Variants in TMEM273 observed in about 807,000 individuals in gnomAD.
The protein encoded by TMEM273 is chromosome 10 open reading frame 128.
A neutral mutation model predicts 17.9 loss-of-function variants in TMEM273; 19 were observed. The ratio of observed to expected loss-of-function variants is 1.06; its 90% confidence interval spans 0.74 to 1.55. The LOEUF is 1.55. Among genes scored for constraint, TMEM273 ranks in the 40% most tolerant of loss-of-function variants. The pLI, the probability that TMEM273 is intolerant of heterozygous loss-of-function variation, is 0.00. For synonymous variants in TMEM273, 66 were observed against 62.0 expected, an observed-to-expected ratio of 1.07 and a Z score of -0.31; for missense variants, 194 against 155.6, an observed-to-expected ratio of 1.25 and a Z score of -1.31.
intron 6 of TMEM273, among the ~76,000 whole-genome samples, chr10:49,159,382 G>A (rs748474127): frequency 5.3e-5 from 8 of 152,190 alleles, no homozygotes; most frequent in Non-Finnish European, 8.8e-5. Context: ...AAATATGCAA[G>A]TTTACTGAGT....
intron 1 of TMEM273, among the ~76,000 whole-genome samples, chr10:49,185,326 C>T (rs1436242347): frequency 6.6e-6 from 1 of 152,162 alleles, no homozygotes; most frequent in Admixed American, 6.5e-5. Context: ...CCTGGCTTCT[C>T]ATCCCAGGGT....
At chr10:49,167,286 C>T (rs1846255720) in intron 2 of TMEM273, among the ~76,000 whole-genome samples, 1 of 152,244 alleles carries the variant, frequency 6.6e-6, no homozygotes, top group African/African-American at 2.4e-5. Context: ...ATTTCTCTGG[C>T]CACCTGAGCC....
chr10:49,187,061 T>G (rs1305246418), intron 1 of TMEM273, among the ~76,000 whole-genome samples: 4 of 152,256 alleles, frequency 2.6e-5, no homozygotes, highest in African/African-American at 9.6e-5. Flanking sequence ...TAAATTTAAC[T>G]TCCTTTTTTT....
intron 5 of TMEM273, among the ~76,000 whole-genome samples, chr10:49,162,474 T>G (rs1354644705): frequency 6.6e-6 from 1 of 152,248 alleles, no homozygotes; most frequent in African/African-American, 2.4e-5. Flanking sequence ...CTTCAAGGTC[T>G]GGCGATTTGC....
Position 49,158,604 on chromosome 10 carries a change from CCTCT to C in TMEM273, c.373-2699_373-2696del, listed in dbSNP as rs1172436339. On this transcript the variant is annotated intron_variant, in intron 6 of 6. Transcript: ENST00000374153. ...CCAGAAGGTAGAGCACACCAGGAAG[CCTCT>C]CTAGGCTCAGCCTCTCCAGGAAGCT... Among the ~76,000 whole-genome samples, 49 of 152,306 alleles carry C rather than the reference CCTCT, an allele frequency of 3.2e-4. No individual in the cohort carries two copies. The Middle Eastern group carries it at 0.024, about 74-fold the overall frequency.
chr10:49,169,856 C>G (rs1040087564), intron 1 of TMEM273, among the ~76,000 whole-genome samples: 1 of 152,246 alleles, frequency 6.6e-6, no homozygotes, highest in Non-Finnish European at 1.5e-5. Flanking sequence ...TGTGCTACGT[C>G]TTCACCCTTT....
chr10:49,167,769 G>T, intron 2 of TMEM273, 140 bp downstream of exon 2: 10 of 1,023,714 alleles, frequency 9.8e-6, no homozygotes, highest in Non-Finnish European at 1.5e-5. Flanking sequence ...TGCTCTGGGG[G>T]ACCTGGAGGT....
At chr10:49,186,672 AG>A (rs1166894152) in intron 1 of TMEM273, among the ~76,000 whole-genome samples, 4 of 152,246 alleles carry the variant, frequency 2.6e-5, no homozygotes, top group Admixed American at 6.5e-5. Flanking sequence ...TCTTTGTCCA[AG>A]TTTTCCAGGC....
chr10:49,158,384 C>G (rs1416831363), intron 6 of TMEM273, among the ~76,000 whole-genome samples: 3 of 151,878 alleles, frequency 2.0e-5, no homozygotes, highest in Non-Finnish European at 2.9e-5. Flanking sequence ...ACAAAGCAAT[C>G]ATCATAAAAT....
At chr10:49,184,730 G>T (rs758469684) in intron 1 of TMEM273, among the ~76,000 whole-genome samples, 1 of 150,858 alleles carries the variant, frequency 6.6e-6, no homozygotes, top group African/African-American at 2.5e-5. Context: ...GAATTGACAC[G>T]ACATTTCCCC....
At chr10:49,163,361 C>T (rs1845970862) in intron 5 of TMEM273, among the ~76,000 whole-genome samples, 2 of 151,858 alleles carry the variant, frequency 1.3e-5, no homozygotes, top group Admixed American at 6.6e-5. Context: ...GTCCCTCAAC[C>T]TGAAATATCC....
At chr10:49,161,238 T>C (rs1226211540) in intron 6 of TMEM273, 1 of 279,980 alleles carries the variant, frequency 3.6e-6, no homozygotes, top group African/African-American at 2.2e-5. Flanking sequence ...CATGAAGAGA[T>C]GTTTGGGAAT....
intron 1 of TMEM273, among the ~76,000 whole-genome samples, chr10:49,172,540 G>T (rs904610391): frequency 2.0e-5 from 3 of 152,082 alleles, no homozygotes; most frequent in African/African-American, 7.2e-5. Flanking sequence ...GAAAGGGTTT[G>T]TTCCACCTTC....
chr10:49,184,103 C>T (rs1247650860), intron 1 of TMEM273, among the ~76,000 whole-genome samples: 1 of 152,134 alleles, frequency 6.6e-6, no homozygotes, highest in South Asian at 2.1e-4. Flanking sequence ...AAGGAAAGAT[C>T]ATTACACAGG....
rs1354155157 is a variant in TMEM273, at chr10:49,155,689, T to A, written c.*203A>T. On this transcript the variant is annotated 3_prime_UTR_variant, in exon 7 of 7. Transcript: ENST00000374153. Reference sequence around the variant, plus strand: ...CAATCCTTCCTCTGTGCAGTCCGTTTCTTCCAGAAGAGGCATGATATTTTC... The same window carrying A: ...CAATCCTTCCTCTGTGCAGTCCGTTACTTCCAGAAGAGGCATGATATTTTC... 1.4e-6 allele frequency: 1 copy of A among 694,780 alleles called. No homozygotes were observed. Among genetic ancestry groups the A allele is most frequent in the Non-Finnish European group, 2.4e-6 (1 of 417,956 alleles). 43.0% of individuals were successfully genotyped at this position (694,780 alleles called of 1,614,324 possible). A position where few individuals can be genotyped will look rare whatever the true frequency, so the allele number is the denominator to read the frequency against.
chr10:49,182,753 T>C (rs1847425144), intron 1 of TMEM273, among the ~76,000 whole-genome samples: 1 of 152,196 alleles, frequency 6.6e-6, no homozygotes, highest in Non-Finnish European at 1.5e-5. Flanking sequence ...GATATTTAAG[T>C]AGAAATTTAT....
intron 5 of TMEM273, 71 bp from the exon 6 acceptor site, chr10:49,161,693 G>T: frequency 6.3e-7 from 1 of 1,592,028 alleles, no homozygotes. Context: ...AAAACTTGCT[G>T]CAAGAGAGTG....
chr10:49,188,316 C>T lies in TMEM273; in HGVS notation c.21G>A (p.Met7Ile). Residue 7 changes from methionine (M) to isoleucine (I), a missense_variant, in exon 1 of 7, where the codon ATG becomes ATA. Transcript: ENST00000374153. MNLGVS[M>I]LRILFLLDVG... is the part of the protein sequence containing the mutation. ...TACCCAGGAGGAAGAGGATCCTCAGCATGCTGACCCCCAAGTTCATGCTGG... is the reference window on the plus strand; with the variant it reads ...TACCCAGGAGGAAGAGGATCCTCAGTATGCTGACCCCCAAGTTCATGCTGG... 2 of 1,614,210 alleles carry T rather than the reference C, an allele frequency of 1.2e-6. No individual in the cohort carries two copies. The highest frequency in any genetic ancestry group is 1.7e-6 in the Non-Finnish European group (2 of 1,180,018).
intron 1 of TMEM273, among the ~76,000 whole-genome samples, chr10:49,169,243 TACC>T (rs1846398938): frequency 6.6e-6 from 1 of 152,190 alleles, no homozygotes; most frequent in Admixed American, 6.5e-5. Context: ...GAGAGTGTGC[TACC>T]ACTCCTGTTT....
Sources: gnomAD v4.1 joint callset for allele counts (sites outside exome capture counted in the v4.1 genomes callset) on GRCh38, gnomAD v4.1.1 for gene constraint, MANE v1.5 for transcripts, NCBI Gene and HGNC (gene_info 2026-07-23, HGNC 2026-07-21) for gene names.